CNTN5: variants seen among roughly 807,000 people sequenced by gnomAD.
CNTN5 encodes contactin 5, also known as contactin-5.
A neutral mutation model predicts 129.1 loss-of-function variants in CNTN5; 77 were observed. That is an observed-to-expected ratio of 0.60 (90% CI 0.50 to 0.72). The LOEUF (loss-of-function observed/expected upper bound fraction) is 0.72, where lower values mean the gene tolerates loss of function less well. Among genes scored for constraint, CNTN5 ranks in the 30% least tolerant of loss-of-function variants. The probability of loss-of-function intolerance (pLI) is 0.00; values close to 1 mark genes in which losing one functional copy is unlikely to be tolerated. For synonymous variants in CNTN5, 509 were observed against 465.6 expected (o/e 1.09, Z -1.20); for missense variants, 1,478 against 1,328.8 (o/e 1.11, Z -1.75).
At chr11:99,350,026 A>T (rs530552017) in intron 2 of CNTN5, among the ~76,000 whole-genome samples, 4 of 152,142 alleles carry the variant, frequency 2.6e-5, no homozygotes, top group South Asian at 4.1e-4. Flanking sequence ...GTGGAAGAAT[A>T]TTTTTTTCAA....
intron 1 of CNTN5, among the ~76,000 whole-genome samples, chr11:99,137,242 C>T (rs773990260): frequency 2.6e-5 from 4 of 152,120 alleles, no homozygotes; most frequent in East Asian, 3.9e-4. Flanking sequence ...ACATCTCAGT[C>T]GGACATTCTA....
chr11:100,045,668 G>A (rs969589012), intron 9 of CNTN5, among the ~76,000 whole-genome samples: 6 of 151,260 alleles, frequency 4.0e-5, no homozygotes, highest in Non-Finnish European at 8.8e-5. Context: ...CCAGTGGTCG[G>A]TGGGAAAACA....
intron 3 of CNTN5, among the ~76,000 whole-genome samples, chr11:99,735,101 T>C (rs1203833439): frequency 6.6e-6 from 1 of 152,246 alleles, no homozygotes; most frequent in Non-Finnish European, 1.5e-5. Context: ...TATTTTTTTC[T>C]ACATGTATTA....
At chr11:100,122,161 A>G (rs1946045547) in intron 13 of CNTN5, among the ~76,000 whole-genome samples, 1 of 151,990 alleles carries the variant, frequency 6.6e-6, no homozygotes, top group Non-Finnish European at 1.5e-5. Context: ...AGAACCAAGA[A>G]AGCCAACGAT....
Position 99,919,626 on chromosome 11 carries a change from G to A in CNTN5, c.673+3477G>A, listed in dbSNP as rs190859891. On this transcript the variant is annotated intron_variant, in intron 7 of 24. Coordinates refer to ENST00000524871, the MANE Select transcript of CNTN5 (RefSeq NM_014361.4). ...GCAATTTTTATCCCATAAAATTCAC[G>A]CATTTTAAGTGTACAGTTCAATGAG... Among the ~76,000 whole-genome samples, 124 of 151,774 alleles carry A rather than the reference G, an allele frequency of 8.2e-4. 1 individual carries two copies. Among genetic ancestry groups the A allele is most frequent in the Non-Finnish European group, 1.3e-3 (91 of 67,962 alleles).
At chr11:99,723,961 T>C (rs117530213) in intron 3 of CNTN5, among the ~76,000 whole-genome samples, 1,537 of 152,304 alleles carry the variant, frequency 0.01, 14 homozygotes, top group Non-Finnish European at 0.015. Flanking sequence ...AGCTTAAGCA[T>C]GTACCAAATT....
At chr11:99,870,625 C>T (rs947657479) in intron 6 of CNTN5, among the ~76,000 whole-genome samples, 2 of 152,182 alleles carry the variant, frequency 1.3e-5, no homozygotes, top group African/African-American at 4.8e-5. Context: ...TAGACATAGA[C>T]CTCTGGGTCA....
chr11:100,285,106 C>T (rs572113448), intron 18 of CNTN5, among the ~76,000 whole-genome samples: 154 of 152,248 alleles, frequency 1.0e-3, no homozygotes, highest in African/African-American at 3.6e-3. Context: ...ATGATAAATG[C>T]TCAATATTAT....
chr11:99,499,941 T>C (rs1380577950), intron 2 of CNTN5, among the ~76,000 whole-genome samples: 3 of 152,148 alleles, frequency 2.0e-5, no homozygotes, highest in African/African-American at 7.2e-5. Flanking sequence ...GGCAAGAGTA[T>C]TTATGACTAC....
chr11:100,339,901 G>A (rs1952123613), intron 21 of CNTN5, among the ~76,000 whole-genome samples: 1 of 152,166 alleles, frequency 6.6e-6, no homozygotes. Context: ...ACAGAAAGCT[G>A]TTCCTTTCTG....
intron 2 of CNTN5, among the ~76,000 whole-genome samples, chr11:99,337,142 T>C (rs1229079855): frequency 1.3e-5 from 2 of 152,164 alleles, no homozygotes; most frequent in Admixed American, 6.5e-5. Flanking sequence ...TTAAGGTGTA[T>C]GTGAAATGAA....
intron 2 of CNTN5, among the ~76,000 whole-genome samples, chr11:99,476,080 T>TG (rs1945359384): frequency 1.0e-4 from 1 of 9,726 alleles, no homozygotes; most frequent in Non-Finnish European, 2.0e-3. Flanking sequence ...TTTCTCTTTT[T>TG]TCCCCCAAAG....
At chr11:99,686,550 T>C (rs890846814) in intron 3 of CNTN5, among the ~76,000 whole-genome samples, 2 of 152,208 alleles carry the variant, frequency 1.3e-5, no homozygotes, top group African/African-American at 4.8e-5. Flanking sequence ...AACCCACAAA[T>C]GCTTTTGCAA....
chr11:100,310,108 A>G (rs1337835489), intron 21 of CNTN5, among the ~76,000 whole-genome samples: 1 of 151,906 alleles, frequency 6.6e-6, no homozygotes. Context: ...AGTAAATAAT[A>G]TGCACCAAAA....
chr11:99,114,362 A>T (rs925156285), intron 1 of CNTN5, among the ~76,000 whole-genome samples: 2 of 151,996 alleles, frequency 1.3e-5, no homozygotes, highest in African/African-American at 4.8e-5. Flanking sequence ...CATGAACCTG[A>T]CAACCTTTTG....
intron 3 of CNTN5, among the ~76,000 whole-genome samples, chr11:99,816,156 C>G (rs1946579697): frequency 6.6e-6 from 1 of 152,184 alleles, no homozygotes; most frequent in African/African-American, 2.4e-5. Context: ...ACTTTCGCTT[C>G]CTTTCACTTT....
chr11:99,136,852 T>C (rs1483746686), intron 1 of CNTN5, among the ~76,000 whole-genome samples: 1 of 152,150 alleles, frequency 6.6e-6, no homozygotes, highest in African/African-American at 2.4e-5. Flanking sequence ...ACCAAGATCA[T>C]GTAACATATT....
chr11:100,081,296 G>A (rs1478707362), intron 13 of CNTN5, among the ~76,000 whole-genome samples: 2 of 152,048 alleles, frequency 1.3e-5, no homozygotes, highest in Non-Finnish European at 2.9e-5. Context: ...CTTCTGGGAG[G>A]AATCACCGTT....
chr11:99,375,989 T>C (rs1168948818), intron 2 of CNTN5, among the ~76,000 whole-genome samples: 1 of 151,970 alleles, frequency 6.6e-6, no homozygotes, highest in Non-Finnish European at 1.5e-5. Flanking sequence ...TGGATTTGAG[T>C]TGGAAAAAAA....
Sources: gnomAD v4.1 joint callset for allele counts (sites outside exome capture counted in the v4.1 genomes callset) on GRCh38, gnomAD v4.1.1 for gene constraint, MANE v1.5 for transcripts, NCBI Gene and HGNC (gene_info 2026-07-23, HGNC 2026-07-21) for gene names.